Variants in NTN4 observed in about 807,000 individuals in gnomAD.
NTN4 encodes netrin-4.
Under a neutral mutation model 73.6 loss-of-function variants are expected in NTN4, and 32 were observed. The ratio of observed to expected loss-of-function variants is 0.44; its 90% CI spans 0.33 to 0.58. The LOEUF is 0.58. Among genes scored for constraint, NTN4 ranks in the 20% least tolerant of loss-of-function variants. The pLI, the probability that NTN4 is intolerant of heterozygous loss-of-function variation, is 0.04. For missense variants in NTN4, 654 were observed against 798.3 expected, an observed-to-expected ratio of 0.82 and a Z score of 2.18; for synonymous variants, 258 against 287.5, an observed-to-expected ratio of 0.90 and a Z score of 1.04.
intron 2 of NTN4, among the ~76,000 whole-genome samples, chr12:95,755,398 G>T (rs1343150685): frequency 1.3e-5 from 2 of 152,248 alleles, no homozygotes; most frequent in African/African-American, 2.4e-5. Context: ...CATGGAAAGA[G>T]AAGGCTGGAC....
At chr12:95,707,733 G>A (rs963163812) in intron 5 of NTN4, among the ~76,000 whole-genome samples, 4 of 152,152 alleles carry the variant, frequency 2.6e-5, no homozygotes, top group South Asian at 2.1e-4. Context: ...CATAGTAGGC[G>A]CTCAATAAAA....
At chr12:95,720,838 A>G (rs941240512) in intron 3 of NTN4, among the ~76,000 whole-genome samples, 2 of 152,236 alleles carry the variant, frequency 1.3e-5, no homozygotes, top group African/African-American at 2.4e-5. Flanking sequence ...AATAACAACA[A>G]CAATAGTAAT....
chr12:95,745,444 T>C (rs141904614), intron 2 of NTN4, among the ~76,000 whole-genome samples: 24 of 152,288 alleles, frequency 1.6e-4, no homozygotes, highest in African/African-American at 5.5e-4. Context: ...ACTAATCCTG[T>C]TTGGTATGTA....
intron 6 of NTN4, among the ~76,000 whole-genome samples, chr12:95,683,223 C>T (rs1300525535): frequency 6.6e-6 from 1 of 152,128 alleles, no homozygotes; most frequent in East Asian, 1.9e-4. Flanking sequence ...CTATGCCCAG[C>T]TAATTTTTTT....
rs35575824 is a variant in NTN4, at chr12:95,732,396, CTT to C, written c.864+5468_864+5469del. ...TTCTTTTCTCTCTCTCTTTCTTCCT[CTT>C]TTTTTTTTTTTTTTTTTTTTCCAGA... On this transcript the variant is annotated intron_variant, in intron 3 of 9. Coordinates refer to ENST00000343702, the MANE Select transcript of NTN4 (RefSeq NM_021229.4). Among the ~76,000 whole-genome samples, 697 of 112,796 alleles carry C rather than the reference CTT, an allele frequency of 6.2e-3. 8 individuals are homozygous for C. Among genetic ancestry groups the C allele is most frequent in the Non-Finnish European group, 9.1e-3 (533 of 58,372 alleles). 74.0% of individuals were successfully genotyped at this position (112,796 alleles called of 152,430 possible).
In NTN4 at chr12:95,750,938, C is replaced by A. The variant is rs1230420867; in HGVS notation, c.586-12794G>T. ...TTTACTCTTAAAAAGGTGGCTGGAGCTAAAGGCATAGTCAAGGTTAATGCT... is the reference window on the plus strand; with the variant it reads ...TTTACTCTTAAAAAGGTGGCTGGAGATAAAGGCATAGTCAAGGTTAATGCT... On this transcript the variant is annotated intron_variant, in intron 2 of 9. Coordinates refer to ENST00000343702, the MANE Select transcript of NTN4 (RefSeq NM_021229.4). Among the ~76,000 whole-genome samples the A allele has an allele frequency of 4.6e-5, 7 of 152,308 alleles. No homozygotes were observed. The East Asian group carries it at 1.2e-3, about 25-fold the overall frequency.
chr12:95,735,388 C>T (rs183879730), intron 3 of NTN4, among the ~76,000 whole-genome samples: 22 of 152,254 alleles, frequency 1.4e-4, no homozygotes, highest in African/African-American at 5.3e-4. Context: ...TAGCTCCATT[C>T]AAACACATGC....
chr12:95,759,792 T>C (rs781293246), intron 2 of NTN4, among the ~76,000 whole-genome samples: 7 of 152,108 alleles, frequency 4.6e-5, no homozygotes, highest in Non-Finnish European at 1.0e-4. Flanking sequence ...ATTTCAGATA[T>C]TGTATTTTTC....
intron 3 of NTN4, among the ~76,000 whole-genome samples, chr12:95,723,618 C>T (rs777434682): frequency 4.6e-5 from 7 of 151,940 alleles, no homozygotes; most frequent in Non-Finnish European, 1.0e-4. Context: ...CGGGTTCAAG[C>T]GATTCTCCTG....
chr12:95,779,563 C>T (rs1160226958), intron 2 of NTN4, among the ~76,000 whole-genome samples: 1 of 152,018 alleles, frequency 6.6e-6, no homozygotes, highest in Non-Finnish European at 1.5e-5. Flanking sequence ...ACAATTGTTT[C>T]AAAGAGAATA....
At chr12:95,726,061 T>G (rs558055196) in intron 3 of NTN4, among the ~76,000 whole-genome samples, 94 of 152,224 alleles carry the variant, frequency 6.2e-4, no homozygotes, top group African/African-American at 2.1e-3. Context: ...TTTGTTTTTC[T>G]GTTTTTGTTT....
chr12:95,787,107 CG>C lies in NTN4; in HGVS notation c.416del (p.Pro139ArgfsTer81), dbSNP rs773322759. ...GGGAGCGGTCCAGCACCATGGCAGC[CG>C]GCCTGGGGGACTTGAACATCACAAT... is the stretch of plus-strand genomic sequence containing the variant. ...HLIVMFKSPR[P>X]AAMVLDRSQD... On this transcript the variant is annotated frameshift_variant, in exon 2 of 10. Transcript: ENST00000343702. LOFTEE classifies it high-confidence loss of function. 6.2e-7 allele frequency: 1 copy of C among 1,614,150 alleles called. No individual in the cohort carries two copies. The highest frequency in any genetic ancestry group is 8.5e-7 in the Non-Finnish European group (1 of 1,180,034).
chr12:95,718,643 C>G (rs1230038324), intron 3 of NTN4, among the ~76,000 whole-genome samples: 3 of 152,060 alleles, frequency 2.0e-5, no homozygotes, highest in Non-Finnish European at 4.4e-5. Flanking sequence ...CTGGAATCAT[C>G]TGAAAATCAA....
intron 5 of NTN4, among the ~76,000 whole-genome samples, chr12:95,687,779 G>A (rs1000610873): frequency 6.6e-6 from 1 of 152,248 alleles, no homozygotes; most frequent in African/African-American, 2.4e-5. Flanking sequence ...ATTGACAGAA[G>A]GATCTTTATC....
intron 2 of NTN4, among the ~76,000 whole-genome samples, chr12:95,749,147 C>T (rs889738861): frequency 1.3e-5 from 2 of 152,180 alleles, no homozygotes; most frequent in African/African-American, 4.8e-5. Flanking sequence ...TTCCCAAATC[C>T]TATAAAACGG....
intron 2 of NTN4, among the ~76,000 whole-genome samples, chr12:95,744,063 G>A (rs575412264): frequency 6.6e-5 from 10 of 152,014 alleles, no homozygotes; most frequent in African/African-American, 2.2e-4. Context: ...CACCACGCCC[G>A]GCTAATTTTT....
intron 3 of NTN4, among the ~76,000 whole-genome samples, chr12:95,728,536 T>C (rs185175286): frequency 6.5e-4 from 99 of 152,304 alleles, no homozygotes; most frequent in Admixed American, 5.9e-3. Context: ...GTTATAAGTT[T>C]GAACTAAAAG....
chr12:95,779,153 G>A (rs1474444409), intron 2 of NTN4, among the ~76,000 whole-genome samples: 5 of 152,068 alleles, frequency 3.3e-5, no homozygotes, highest in African/African-American at 7.2e-5. Context: ...TTGATGGGAC[G>A]TATCTCAAAA....
At chr12:95,760,673 G>C (rs1363563915) in intron 2 of NTN4, among the ~76,000 whole-genome samples, 1 of 141,054 alleles carries the variant, frequency 7.1e-6, no homozygotes, top group Non-Finnish European at 1.5e-5. Context: ...GAAAACAATT[G>C]TATCATCTTT....
Sources: allele counts gnomAD v4.1 joint callset (sites outside exome capture counted in the v4.1 genomes callset), GRCh38; gene constraint gnomAD v4.1.1; transcripts MANE v1.5; gene names NCBI Gene and HGNC (gene_info 2026-07-23, HGNC 2026-07-21).